ADAMTS12: variants seen among roughly 807,000 people sequenced by gnomAD.
The protein encoded by ADAMTS12 is ADAM metallopeptidase with thrombospondin type 1 motif 12.
A neutral mutation model predicts 167.8 loss-of-function variants in ADAMTS12; 118 were observed. The ratio of observed to expected loss-of-function variants is 0.70; its 90% CI spans 0.61 to 0.82. The LOEUF (loss-of-function observed/expected upper bound fraction) is 0.82, where lower values mean the gene tolerates loss of function less well. Among genes scored for constraint, ADAMTS12 ranks in the 40% least tolerant of loss-of-function variants. ADAMTS12 has a pLI of 0.00. For missense variants in ADAMTS12, 1,916 were observed against 1,998.8 expected (o/e 0.96, Z 0.79); for synonymous variants, 704 against 716.9 (o/e 0.98, Z 0.29).
intron 3 of ADAMTS12, among the ~76,000 whole-genome samples, chr5:33,718,187 A>G (rs1196072895): frequency 2.0e-5 from 3 of 152,254 alleles, no homozygotes; most frequent in Non-Finnish European, 1.5e-5. Flanking sequence ...AAGATCATCT[A>G]TCTCCATATG....
intron 2 of ADAMTS12, among the ~76,000 whole-genome samples, chr5:33,757,758 G>T (rs1345620331): frequency 1.3e-5 from 2 of 152,154 alleles, no homozygotes; most frequent in African/African-American, 2.4e-5. Context: ...AACACATTGA[G>T]CCCCAGTTGT....
chr5:33,798,171 A>C (rs1429801838), intron 2 of ADAMTS12, among the ~76,000 whole-genome samples: 2 of 152,030 alleles, frequency 1.3e-5, no homozygotes, highest in African/African-American at 4.8e-5. Flanking sequence ...CTAGATGCCT[A>C]CTTACACTCT....
chr5:33,571,138 A>T (rs1391434535), intron 19 of ADAMTS12, among the ~76,000 whole-genome samples: 6 of 152,172 alleles, frequency 3.9e-5, no homozygotes, highest in Admixed American at 1.3e-4. Context: ...CTCCCACACA[A>T]TAATAATGGG....
chr5:33,769,563 G>C (rs918460073), intron 2 of ADAMTS12, among the ~76,000 whole-genome samples: 1 of 152,178 alleles, frequency 6.6e-6, no homozygotes, highest in African/African-American at 2.4e-5. Flanking sequence ...CAGTGATGTT[G>C]TGAGTCCATC....
At chr5:33,715,627 G>A (rs553468396) in intron 3 of ADAMTS12, among the ~76,000 whole-genome samples, 2 of 152,068 alleles carry the variant, frequency 1.3e-5, no homozygotes, top group Admixed American at 1.3e-4. Context: ...TCAGCTTCTC[G>A]TGGCTGTAGA....
intron 18 of ADAMTS12, among the ~76,000 whole-genome samples, chr5:33,577,807 G>A (rs1305744666): frequency 1.3e-5 from 2 of 152,142 alleles, no homozygotes; most frequent in African/African-American, 4.8e-5. Context: ...AAGGAGTTCG[G>A]TCAATCCCTC....
In ADAMTS12 at chr5:33,560,228, G is replaced by A. The variant is rs55719190; in HGVS notation, c.4125+799C>T. On this transcript the variant is annotated intron_variant, in intron 20 of 23. Transcript: ENST00000504830. ...TACTTCTAAGACTTTTGTGTAACTTGAAGTTGGCCTATGGTAATGCCCATG... is the reference window on the plus strand; with the variant it reads ...TACTTCTAAGACTTTTGTGTAACTTAAAGTTGGCCTATGGTAATGCCCATG... 6.6e-5 allele frequency among the ~76,000 whole-genome samples: 10 copies of A among 152,278 alleles called. No homozygotes were observed. In the South Asian group the frequency reaches 1.5e-3, roughly 22 times the overall value.
In ADAMTS12 at chr5:33,636,048, A is replaced by G. The variant is rs532891145; in HGVS notation, c.1888+1529T>C. On this transcript the variant is annotated intron_variant, in intron 12 of 23. Coordinates refer to ENST00000504830, the MANE Select transcript of ADAMTS12 (RefSeq NM_030955.4). ...TATAACGCTCACTTCTTTAGTACCT[A>G]TTGCTTTGCTAGTCAAAAAGTAGGC... Among the ~76,000 whole-genome samples the G allele has an allele frequency of 3.9e-5, 6 of 152,304 alleles. No individual in the cohort carries two copies. The East Asian group carries it at 1.2e-3, about 29-fold the overall frequency.
chr5:33,540,981 G>T (rs935138567), intron 22 of ADAMTS12, among the ~76,000 whole-genome samples: 2 of 152,202 alleles, frequency 1.3e-5, no homozygotes, highest in Non-Finnish European at 2.9e-5. Context: ...GATGGAGAAT[G>T]ACTTTGACGA....
At chr5:33,591,912 C>G (rs1269675737) in intron 17 of ADAMTS12, among the ~76,000 whole-genome samples, 1 of 152,006 alleles carries the variant, frequency 6.6e-6, no homozygotes, top group Non-Finnish European at 1.5e-5. Context: ...GACAGCTTCC[C>G]ACAACAAAAA....
intron 19 of ADAMTS12, among the ~76,000 whole-genome samples, chr5:33,575,053 C>T (rs532158411): frequency 6.6e-6 from 1 of 152,080 alleles, no homozygotes; most frequent in Admixed American, 6.6e-5. Flanking sequence ...AATGAAAAGA[C>T]AAATACCTAG....
intron 5 of ADAMTS12, among the ~76,000 whole-genome samples, chr5:33,664,809 T>C (rs1157474082): frequency 6.6e-6 from 1 of 152,138 alleles, no homozygotes. Context: ...ATCCTAAGGA[T>C]ATACAATCAG....
intron 22 of ADAMTS12, among the ~76,000 whole-genome samples, chr5:33,544,726 A>G (rs1241639431): frequency 6.6e-6 from 1 of 152,202 alleles, no homozygotes; most frequent in Non-Finnish European, 1.5e-5. Context: ...CAACCATCTG[A>G]TCTTTGACAA....
chr5:33,574,857 C>A (rs572745785), intron 19 of ADAMTS12, among the ~76,000 whole-genome samples: 1 of 151,434 alleles, frequency 6.6e-6, no homozygotes, highest in Admixed American at 6.6e-5. Context: ...TAGTTTACTT[C>A]ACTTTAACTG....
intron 2 of ADAMTS12, among the ~76,000 whole-genome samples, chr5:33,849,222 A>T (rs1178362850): frequency 8.8e-5 from 4 of 45,626 alleles, no homozygotes; most frequent in African/African-American, 4.9e-4. Context: ...ATTGCATAGC[A>T]ATATATATAT....
intron 5 of ADAMTS12, among the ~76,000 whole-genome samples, chr5:33,666,916 G>A (rs1741493652): frequency 6.6e-6 from 1 of 152,080 alleles, no homozygotes; most frequent in African/African-American, 2.4e-5. Context: ...ATAAAACCAC[G>A]TTTCATGCTT....
chr5:33,637,479 G>C (rs1445512197), intron 12 of ADAMTS12, 98 bp downstream of exon 12: 3 of 1,280,936 alleles, frequency 2.3e-6, no homozygotes, highest in African/African-American at 1.5e-5. Flanking sequence ...AATTGTCTTT[G>C]TTAAGCTTTG....
chr5:33,682,675 C>T (rs1233054581), intron 5 of ADAMTS12, among the ~76,000 whole-genome samples: 1 of 152,132 alleles, frequency 6.6e-6, no homozygotes, highest in Non-Finnish European at 1.5e-5. Context: ...TTCGACATTT[C>T]CATGTCTTTC....
intron 3 of ADAMTS12, among the ~76,000 whole-genome samples, chr5:33,720,284 T>TCACACACAGA: frequency 6.8e-6 from 1 of 147,912 alleles, no homozygotes; most frequent in South Asian, 2.2e-4. Flanking sequence ...TCTCTCTCAC[T>TCACACACAGA]CACACACACA....
Sources: allele counts gnomAD v4.1 joint callset (sites outside exome capture counted in the v4.1 genomes callset), GRCh38; gene constraint gnomAD v4.1.1; transcripts MANE v1.5; gene names NCBI Gene and HGNC (gene_info 2026-07-23, HGNC 2026-07-21).